Variants in LINGO2 observed in about 807,000 individuals in gnomAD.
LINGO2 encodes the protein leucine rich repeat and Ig domain containing 2.
A neutral mutation model predicts 30.6 loss-of-function variants in LINGO2; 14 were observed. The observed-to-expected ratio is 0.46, with a 90% CI of 0.30 to 0.72. The LOEUF (loss-of-function observed/expected upper bound fraction) is 0.72. LINGO2 is among the 30% of genes least tolerant of loss of function. The pLI, the probability that LINGO2 is intolerant of heterozygous loss-of-function variation, is 0.07. For synonymous variants in LINGO2, 317 were observed against 288.5 expected (o/e 1.10, Z -1.00); for missense variants, 729 against 751.7 (o/e 0.97, Z 0.35).
chr9:28,100,582 T>C (rs145855484), intron 4 of LINGO2, among the ~76,000 whole-genome samples: 43 of 152,324 alleles, frequency 2.8e-4, no homozygotes, highest in African/African-American at 1.0e-3. Flanking sequence ...GTTCAGTATG[T>C]AGAAGAAGAC....
chr9:27,998,086 C>T (rs1305648619), intron 5 of LINGO2, among the ~76,000 whole-genome samples: 1 of 152,172 alleles, frequency 6.6e-6, no homozygotes, highest in East Asian at 1.9e-4. Flanking sequence ...CCATCAATTC[C>T]TTTCTTCTCT....
the LINGO2 span, among the ~76,000 whole-genome samples, chr9:28,906,047 T>A: frequency 6.6e-6 from 1 of 151,928 alleles, no homozygotes; most frequent in Non-Finnish European, 1.5e-5. Flanking sequence ...CTGAAATGAG[T>A]TAGGCACTGA....
chr9:28,525,113 G>A (rs978152262), intron 1 of LINGO2, among the ~76,000 whole-genome samples: 2 of 152,030 alleles, frequency 1.3e-5, no homozygotes, highest in Non-Finnish European at 2.9e-5. Flanking sequence ...AAAAATACTC[G>A]ACATCACTAG....
chr9:28,948,122 T>C, the LINGO2 span, among the ~76,000 whole-genome samples: 1 of 152,100 alleles, frequency 6.6e-6, no homozygotes, highest in South Asian at 2.1e-4. Flanking sequence ...TTTTATTATA[T>C]GTGTTTTCAT....
In LINGO2 at chr9:28,051,075, G is replaced by A. The variant is rs79046250; in HGVS notation, c.-86-38670C>T. Among the ~76,000 whole-genome samples the A allele has an allele frequency of 3.6e-3, 540 of 150,806 alleles. 8 individuals are homozygous for A. The highest frequency in any genetic ancestry group is 4.8e-3 in the Non-Finnish European group (323 of 67,852). On this transcript the variant is annotated intron_variant, in intron 4 of 5. Coordinates refer to ENST00000379992, the Ensembl canonical transcript of LINGO2. Reference sequence around the variant, plus strand: ...GCTTTTAGCTAACTCCTTTCTCCAAGGTCGTCTTCTCCTGCTTTCCTTTTC... The same window carrying A: ...GCTTTTAGCTAACTCCTTTCTCCAAAGTCGTCTTCTCCTGCTTTCCTTTTC...
chr9:29,098,496 C>A, the LINGO2 span, among the ~76,000 whole-genome samples: 1 of 151,892 alleles, frequency 6.6e-6, no homozygotes, highest in Admixed American at 6.6e-5. Context: ...CATACACACA[C>A]ATCAATGAGG....
At chr9:28,203,969 G>A (rs1820324533) in intron 4 of LINGO2, among the ~76,000 whole-genome samples, 1 of 152,118 alleles carries the variant, frequency 6.6e-6, no homozygotes, top group African/African-American at 2.4e-5. Context: ...ATTCTAGTGT[G>A]CATTCTGAAT....
At chr9:28,557,111 CA>C (rs1554740388) in intron 1 of LINGO2, among the ~76,000 whole-genome samples, 1 of 152,006 alleles carries the variant, frequency 6.6e-6, no homozygotes, top group Non-Finnish European at 1.5e-5. Context: ...TCTAAAACAC[CA>C]AAAGCAATGG....
At chr9:29,140,417 T>C in the LINGO2 span, among the ~76,000 whole-genome samples, 1 of 151,098 alleles carries the variant, frequency 6.6e-6, no homozygotes, top group Non-Finnish European at 1.5e-5. Flanking sequence ...AACAGAGGGA[T>C]TTAACAGCAA....
At chr9:28,695,938 C>T in the LINGO2 span, among the ~76,000 whole-genome samples, 1 of 151,854 alleles carries the variant, frequency 6.6e-6, no homozygotes. Flanking sequence ...TGGATGTACG[C>T]TCTTTACATT....
chr9:28,654,405 G>A (rs1828244033), intron 1 of LINGO2, among the ~76,000 whole-genome samples: 1 of 151,864 alleles, frequency 6.6e-6, no homozygotes, highest in African/African-American at 2.4e-5. Context: ...TTTGTCCCTG[G>A]TGGGAAAAAA....
At chr9:28,581,932 A>C (rs10968662) in intron 1 of LINGO2, among the ~76,000 whole-genome samples, 13,665 of 151,972 alleles carry the variant, frequency 0.09, 755 homozygotes, top group East Asian at 0.19. Flanking sequence ...TGTTAGTCTA[A>C]TTTTTAATCT....
chr9:28,569,967 C>G (rs61195920), intron 1 of LINGO2, among the ~76,000 whole-genome samples: 11,180 of 151,616 alleles, frequency 0.074, 551 homozygotes, highest in African/African-American at 0.14. Flanking sequence ...CAATAATAAA[C>G]ATAAAATTGA....
chr9:28,131,741 C>T (rs1023034082), intron 4 of LINGO2, among the ~76,000 whole-genome samples: 3 of 152,080 alleles, frequency 2.0e-5, no homozygotes, highest in Admixed American at 6.6e-5. Flanking sequence ...GTTGCTGACC[C>T]ACCACCTAGG....
At chr9:28,311,711 C>A (rs1028199126) in intron 3 of LINGO2, among the ~76,000 whole-genome samples, 2 of 152,092 alleles carry the variant, frequency 1.3e-5, no homozygotes, top group Admixed American at 1.3e-4. Flanking sequence ...TTTCAAGGTG[C>A]CCAGATTTCA....
intron 1 of LINGO2, among the ~76,000 whole-genome samples, chr9:28,602,139 G>T (rs1261417659): frequency 1.3e-5 from 2 of 152,104 alleles, no homozygotes; most frequent in Admixed American, 1.3e-4. Flanking sequence ...TTCCAGCCTA[G>T]GCTTACCCTG....
intron 4 of LINGO2, among the ~76,000 whole-genome samples, chr9:28,153,245 A>AAACG (rs1314128495): frequency 6.6e-6 from 1 of 152,210 alleles, no homozygotes; most frequent in African/African-American, 2.4e-5. Flanking sequence ...ATAAGTGCAG[A>AAACG]AACGTGTATA....
chr9:28,178,000 T>C (rs1828795595), intron 4 of LINGO2, among the ~76,000 whole-genome samples: 1 of 152,216 alleles, frequency 6.6e-6, no homozygotes, highest in African/African-American at 2.4e-5. Flanking sequence ...TTTGAAGTCA[T>C]ACATGAATCT....
chr9:28,108,168 C>T (rs1826655620), intron 4 of LINGO2, among the ~76,000 whole-genome samples: 1 of 152,132 alleles, frequency 6.6e-6, no homozygotes, highest in Admixed American at 6.6e-5. Flanking sequence ...AGCTCTCTCG[C>T]AGCTACAATA....
Sources: gnomAD v4.1 joint callset for allele counts (sites outside exome capture counted in the v4.1 genomes callset) on GRCh38, gnomAD v4.1.1 for gene constraint, MANE v1.5 for transcripts, NCBI Gene and HGNC (gene_info 2026-07-23, HGNC 2026-07-21) for gene names.